The following LVRN variants were observed in gnomAD, a reference collection of about 807,000 sequenced individuals.
LVRN encodes aminopeptidase Q.
A neutral mutation model predicts 111.4 loss-of-function variants in LVRN; 99 were observed. That is an observed-to-expected ratio of 0.89 (90% confidence interval 0.76 to 1.05). The LOEUF is 1.05. LVRN is among the 50% of genes least tolerant of loss of function. LVRN has a pLI of 0.00. For missense variants in LVRN, 1,414 were observed against 1,206.8 expected (o/e 1.17, Z -2.54); for synonymous variants, 488 against 449.5 (o/e 1.09, Z -1.08).
At position 116,011,004 on chromosome 5, in the gene LVRN, C is replaced by CATAT. The variant is rs3072900; in HGVS notation, c.2247+129_2247+132dup. 6.9e-4 allele frequency: 193 copies of CATAT among 281,084 alleles called. 5 individuals carry two copies. Among genetic ancestry groups the CATAT allele is most frequent in the African/African-American group, 2.8e-3 (105 of 37,110 alleles). 17.4% of individuals were successfully genotyped at this position (281,084 alleles called of 1,614,324 possible). A position where few individuals can be genotyped will look rare whatever the true frequency, so the allele number is the denominator to read the frequency against. On this transcript the variant is annotated intron_variant, in intron 14 of 19. Transcript: ENST00000357872. ...TTTTCCAAAGTAATAGTCTTAGTTC[C>CATAT]ATATATATATATATATATATATGGA...
At chr5:116,003,674 C>T (rs1038654980) in intron 12 of LVRN, among the ~76,000 whole-genome samples, 2 of 151,534 alleles carry the variant, frequency 1.3e-5, no homozygotes, top group East Asian at 3.9e-4. Flanking sequence ...CTCCGCCTCC[C>T]GGGTTCACGC....
At chr5:115,998,983 C>G (rs1187224749) in intron 6 of LVRN, among the ~76,000 whole-genome samples, 1 of 152,176 alleles carries the variant, frequency 6.6e-6, no homozygotes, top group Non-Finnish European at 1.5e-5. Flanking sequence ...AGAGAGTCAA[C>G]TTGCAGATCC....
intron 6 of LVRN, 75 bp downstream of exon 6, chr5:115,993,929 G>A: frequency 1.2e-6 from 1 of 819,506 alleles, no homozygotes. Flanking sequence ...TCTTGAAAAT[G>A]TATAAAATAC....
rs377593017 is a variant in LVRN, at chr5:115,962,547, A to C, written c.-71A>C. 31 of 1,409,672 alleles carry C rather than the reference A, an allele frequency of 2.2e-5. No individual in the cohort carries two copies. In the East Asian group the frequency reaches 6.9e-4, roughly 31 times the overall value. 87.3% of individuals were successfully genotyped at this position (1,409,672 alleles called of 1,614,324 possible). On this transcript the variant is annotated 5_prime_UTR_variant, in exon 1 of 20. Transcript: ENST00000357872. ...AGGGGCAGGGGTCGCAGCACTGAAC[A>C]CCCTGGCCGGGGTTTTGACAGCTGC...
chr5:116,025,353 T>C (rs1748840729), intron 19 of LVRN, among the ~76,000 whole-genome samples: 1 of 152,186 alleles, frequency 6.6e-6, no homozygotes, highest in South Asian at 2.1e-4. Flanking sequence ...TCTAATCCAC[T>C]GATACAAAAA....
In LVRN at chr5:115,983,352, C is replaced by G; in HGVS notation, c.761C>G (p.Pro254Arg). 1 of 1,612,064 alleles carries G rather than the reference C, an allele frequency of 6.2e-7. No homozygotes were observed. The highest frequency in any genetic ancestry group is 8.5e-7 in the Non-Finnish European group (1 of 1,179,348). ...TATGTTTTCCCTTGTTTTGATGAGCCAGCTCTGAAGGCAACTTTTAATATT... is the reference window on the plus strand; with the variant it reads ...TATGTTTTCCCTTGTTTTGATGAGCGAGCTCTGAAGGCAACTTTTAATATT... ...ARYVFPCFDE[P>R]ALKATFNITM... The change falls in exon 2 of 20, where the codon CCA (proline) becomes CGA (arginine). Residue 254 changes from proline (P) to arginine (R), a missense_variant. By Grantham distance (103) the Pro-to-Arg change is moderately radical (BLOSUM62 -2). Coordinates refer to ENST00000357872, the MANE Select transcript of LVRN (RefSeq NM_173800.5).
rs772436168 is a variant in LVRN, at chr5:115,963,160, C to A, written c.543C>A (p.Phe181Leu). 24 of 1,613,022 alleles carry A rather than the reference C, an allele frequency of 1.5e-5. No individual in the cohort carries two copies. The Admixed American group carries it at 1.7e-4, about 11-fold the overall frequency. Residue 181 changes from phenylalanine to leucine, a missense_variant, in exon 1 of 20, where the codon TTC (phenylalanine) becomes TTA (leucine). By Grantham distance (22) the Phe-to-Leu change is conservative (BLOSUM62 0). Coordinates refer to ENST00000357872, the MANE Select transcript of LVRN (RefSeq NM_173800.5). ...GCGTGCCCGTGGACGACGTGTGGTTCGCGCTGGACACGGAATACATGGTGC... is the reference window on the plus strand; with the variant it reads ...GCGTGCCCGTGGACGACGTGTGGTTAGCGCTGGACACGGAATACATGGTGC... ...VGRVPVDDVW[F>L]ALDTEYMVLE...
intron 1 of LVRN, among the ~76,000 whole-genome samples, chr5:115,970,384 CTTT>C (rs3984987): frequency 4.5e-5 from 6 of 133,826 alleles, no homozygotes; most frequent in Admixed American, 7.6e-5. Flanking sequence ...GAAATACATT[CTTT>C]TTTTTTTTTT....
At chr5:116,022,931 A>G (rs1042629876) in intron 19 of LVRN, among the ~76,000 whole-genome samples, 1 of 152,214 alleles carries the variant, frequency 6.6e-6, no homozygotes, top group Non-Finnish European at 1.5e-5. Context: ...ACGGACAGAC[A>G]CCCCTAAACA....
At chr5:115,986,580 T>C (rs1214807920) in intron 3 of LVRN, among the ~76,000 whole-genome samples, 1 of 152,158 alleles carries the variant, frequency 6.6e-6, no homozygotes, top group Non-Finnish European at 1.5e-5. Context: ...TGGCTACAGC[T>C]CAGCTTTACA....
chr5:116,009,987 C>G (rs1284752412), intron 13 of LVRN, among the ~76,000 whole-genome samples: 3 of 152,118 alleles, frequency 2.0e-5, no homozygotes, highest in African/African-American at 7.2e-5. Flanking sequence ...TCGCATACTA[C>G]AGAAAAATCT....
At chr5:116,007,216 T>C (rs17138642) in intron 13 of LVRN, among the ~76,000 whole-genome samples, 1 of 152,094 alleles carries the variant, frequency 6.6e-6, no homozygotes, top group Non-Finnish European at 1.5e-5. Flanking sequence ...AATTTCATTA[T>C]GCTATTCCAA....
At position 116,010,769 on chromosome 5, in the gene LVRN, C is replaced by T; in HGVS notation, c.2122C>T (p.Leu708Phe). The change falls in exon 14 of 20, where the codon CTT (leucine) becomes TTT (phenylalanine). Residue 708 changes from leucine (L) to phenylalanine (F), a missense_variant. Physicochemically the swap from Leu to Phe is conservative, Grantham distance 22. Transcript: ENST00000357872. Reference protein sequence around the residue: ...KNNYIEIETALELTKYLAEED... With the variant: ...KNNYIEIETAFELTKYLAEED... ...CAATTATATTGAGATTGAAACAGCACTTGAGTTAACCAAGTACCTTGCTGA... is the reference window on the plus strand; with the variant it reads ...CAATTATATTGAGATTGAAACAGCATTTGAGTTAACCAAGTACCTTGCTGA... 2 of 1,604,430 alleles carry T rather than the reference C, an allele frequency of 1.2e-6. No homozygotes were observed. Among genetic ancestry groups the T allele is most frequent in the Non-Finnish European group, 1.7e-6 (2 of 1,176,700 alleles).
chr5:115,962,884 C>A lies in LVRN; in HGVS notation c.267C>A (p.Pro89=). The A allele has an allele frequency of 6.2e-7, 1 of 1,613,006 alleles. No individual in the cohort carries two copies. Among genetic ancestry groups the A allele is most frequent in the Non-Finnish European group, 8.5e-7 (1 of 1,179,754 alleles). ...AVTTTPSNWR[P]PGPWDQLRLP... ...CGACCACCCCGAGCAACTGGCGACC[C>A]CCGGGGCCCTGGGACCAGCTACGCC... Residue 89 remains proline (P), a synonymous_variant, in exon 1 of 20, where the codon CCC becomes CCA. Transcript: ENST00000357872.
chr5:116,000,692 A>G (rs1457635831), intron 9 of LVRN, 34 bp downstream of exon 9: 1 of 1,605,320 alleles, frequency 6.2e-7, no homozygotes. Context: ...ATTCTTGCTG[A>G]GTTGTTTTGT....
chr5:116,023,377 A>T (rs1348027752), intron 19 of LVRN: 2 of 152,224 alleles, frequency 1.3e-5, no homozygotes, highest in African/African-American at 4.8e-5. Context: ...GGAGAGAAGC[A>T]TAGCTCCCCA....
At chr5:116,004,125 G>T (rs1311808145) in intron 12 of LVRN, among the ~76,000 whole-genome samples, 1 of 152,132 alleles carries the variant, frequency 6.6e-6, no homozygotes, top group African/African-American at 2.4e-5. Context: ...ATCAGTAAAT[G>T]CTAGAAAATA....
At chr5:116,024,101 T>A (rs1748812239) in intron 19 of LVRN, among the ~76,000 whole-genome samples, 1 of 152,194 alleles carries the variant, frequency 6.6e-6, no homozygotes, top group Non-Finnish European at 1.5e-5. Context: ...CAGAGAGAGA[T>A]GGACTGCAAG....
chr5:115,993,488 C>T (rs1338489313), intron 5 of LVRN, among the ~76,000 whole-genome samples: 1 of 152,116 alleles, frequency 6.6e-6, no homozygotes, highest in African/African-American at 2.4e-5. Flanking sequence ...TATGTTTAAA[C>T]ATTGCAGTTT....
Sources: gnomAD v4.1 joint callset for allele counts (sites outside exome capture counted in the v4.1 genomes callset) on GRCh38, gnomAD v4.1.1 for gene constraint, MANE v1.5 for transcripts, NCBI Gene and HGNC (gene_info 2026-07-23, HGNC 2026-07-21) for gene names.